SPIRE2: variants seen among roughly 807,000 people sequenced by gnomAD.
The protein encoded by SPIRE2 is protein spire homolog 2.
A neutral mutation model predicts 80.7 loss-of-function variants in SPIRE2; 76 were observed. The observed-to-expected ratio is 0.94, with a 90% CI of 0.78 to 1.14. The LOEUF (loss-of-function observed/expected upper bound fraction) is 1.14. Ranked by LOEUF, SPIRE2 falls within the 50% of genes most tolerant of loss-of-function variation. SPIRE2 has a pLI of 0.00. For synonymous variants in SPIRE2, 535 were observed against 432.6 expected (o/e 1.24, Z -2.94); for missense variants, 1,196 against 1,015.3 (o/e 1.18, Z -2.42).
intron 1 of SPIRE2, among the ~76,000 whole-genome samples, chr16:89,840,455 T>C (rs1005346549): frequency 6.6e-5 from 10 of 150,940 alleles, no homozygotes; most frequent in African/African-American, 2.0e-4. Context: ...TTCACCGTGT[T>C]AGCCAGGATG....
chr16:89,840,617 A>C (rs921499820), intron 1 of SPIRE2, among the ~76,000 whole-genome samples: 1 of 146,488 alleles, frequency 6.8e-6, no homozygotes, highest in Non-Finnish European at 1.5e-5. Flanking sequence ...TGGTTTGCAT[A>C]AAAATAAAAA....
In SPIRE2 at chr16:89,863,871, C is replaced by T; in HGVS notation, c.1778+10C>T. 6.2e-7 allele frequency: 1 copy of T among 1,610,520 alleles called. No individual in the cohort carries two copies. The highest frequency in any genetic ancestry group is 8.5e-7 in the Non-Finnish European group (1 of 1,177,674). On this transcript the variant is annotated intron_variant, in intron 12 of 14. Coordinates refer to ENST00000378247, the MANE Select transcript of SPIRE2 (RefSeq NM_032451.2). The surrounding 1 kb of genome is among the most constrained non-coding windows in gnomAD (Gnocchi z 4.3). ...GTCTCTTCTGCAAGAGGTGAGCCTTCCCTTTAGCTGTCAGTTCACAAGGGA... is the reference window on the plus strand; with the variant it reads ...GTCTCTTCTGCAAGAGGTGAGCCTTTCCTTTAGCTGTCAGTTCACAAGGGA...
intron 1 of SPIRE2, among the ~76,000 whole-genome samples, chr16:89,837,579 C>T (rs932575953): frequency 3.9e-5 from 6 of 152,210 alleles, no homozygotes; most frequent in Admixed American, 6.5e-5. Context: ...AGACTTGACA[C>T]ACGCCAGGCA....
intron 3 of SPIRE2, among the ~76,000 whole-genome samples, chr16:89,853,551 C>T (rs1214898241): frequency 6.6e-6 from 1 of 152,168 alleles, no homozygotes; most frequent in Non-Finnish European, 1.5e-5. Flanking sequence ...CAGACACACA[C>T]CTCACGCTGC....
At chr16:89,836,740 G>T (rs1292698048) in intron 1 of SPIRE2, among the ~76,000 whole-genome samples, 1 of 151,704 alleles carries the variant, frequency 6.6e-6, no homozygotes, top group East Asian at 1.9e-4. Flanking sequence ...AGCACTTTGG[G>T]AGGCCAAGGC....
intron 1 of SPIRE2, among the ~76,000 whole-genome samples, chr16:89,829,424 C>T (rs575402718): frequency 9.9e-5 from 15 of 152,282 alleles, no homozygotes; most frequent in African/African-American, 3.4e-4. Flanking sequence ...TTACCCTTTA[C>T]GAAAAAAACC....
Position 89,856,225 on chromosome 16 carries a change from G to A in SPIRE2, c.1091G>A (p.Trp364Ter). 2 of 1,579,028 alleles carry A rather than the reference G, an allele frequency of 1.3e-6. No individual in the cohort carries two copies. Among genetic ancestry groups the A allele is most frequent in the South Asian group, 1.1e-5 (1 of 87,008 alleles). ...RRLRPVRGEG[W>*]AARGFGSLPC... ...CTGCGCCCGGTGCGGGGCGAGGGCT[G>A]GGCTGCCCGCGGTGAGTGAGGGGAT... is the stretch of plus-strand genomic sequence containing the variant. Residue 364 changes from tryptophan (W) to a stop codon, truncating the protein, a stop_gained, in exon 7 of 15, where the codon TGG becomes TAG. Transcript: ENST00000378247. LOFTEE classifies it high-confidence loss of function.
Position 89,861,387 on chromosome 16 carries a change from G to A in SPIRE2, c.1575+592G>A, listed in dbSNP as rs146359345. 2.9e-3 allele frequency among the ~76,000 whole-genome samples: 444 copies of A among 152,294 alleles called. 3 individuals carry two copies. The highest frequency in any genetic ancestry group is 0.01 in the African/African-American group (426 of 41,566). ...GTCACTATTTGAGGTTTTATCCAGC[G>A]GCTCAGATGAGAACAGATGTTAAAA... On this transcript the variant is annotated intron_variant, in intron 10 of 14. Transcript: ENST00000378247.
intron 1 of SPIRE2, among the ~76,000 whole-genome samples, chr16:89,836,960 A>C (rs916258521): frequency 1.1e-4 from 17 of 151,950 alleles, no homozygotes; most frequent in African/African-American, 3.9e-4. Flanking sequence ...GCGCCATTGC[A>C]CTCCAGCCTA....
At chr16:89,836,872 G>C (rs528967326) in intron 1 of SPIRE2, among the ~76,000 whole-genome samples, 4 of 152,102 alleles carry the variant, frequency 2.6e-5, no homozygotes, top group African/African-American at 9.6e-5. Context: ...GTACATGCCT[G>C]TAATCCCAGC....
chr16:89,828,586 G>A lies in SPIRE2; in HGVS notation c.36G>A (p.Ala12=), dbSNP rs367937707. The A allele has an allele frequency of 0.015, 17,379 of 1,183,172 alleles. 233 individuals are homozygous for A. The highest frequency in any genetic ancestry group is 0.055 in the East Asian group (1,305 of 23,694). The allele number at this position is 1,183,172 out of a possible 1,614,324, so 73.3% of individuals were successfully genotyped here. A position where few individuals can be genotyped will look rare whatever the true frequency, so the allele number is the denominator to read the frequency against. The change falls in exon 1 of 15, where the codon GCG becomes GCA. Residue 12 remains alanine (A), a synonymous_variant. Coordinates refer to ENST00000378247, the MANE Select transcript of SPIRE2 (RefSeq NM_032451.2). The surrounding 1 kb of genome is among the most constrained non-coding windows in gnomAD (Gnocchi z 5.9). ...CGGGCAGCTGCGGCGGCGCCGCGGC[G>A]GGCGCAGGGCGGCCGGAGCCCTGGG... ...ARAGSCGGAA[A]GAGRPEPWEL...
At chr16:89,848,200 C>T (rs1263645233) in intron 2 of SPIRE2, among the ~76,000 whole-genome samples, 2 of 152,230 alleles carry the variant, frequency 1.3e-5, no homozygotes, top group African/African-American at 4.8e-5. Flanking sequence ...CCTCAGATTC[C>T]TCTCTGGAGG....
In SPIRE2 at chr16:89,859,265, A is replaced by C. The variant is rs147389472; in HGVS notation, c.1373A>C (p.Gln458Pro). Residue 458 changes from glutamine (Q) to proline (P), a missense_variant, in exon 9 of 15, where the codon CAG (glutamine) becomes CCG (proline). Transcript: ENST00000378247. ...CGAAGTGAGGTGGCCTCTGGCCTGC[A>C]GTCGGCCACCCACCCCCCAGGAGGG... ...QLRSEVASGLQSATHPPGGTE... is the reference protein window; with the variant it reads ...QLRSEVASGLPSATHPPGGTE... The C allele has an allele frequency of 1.2e-6, 2 of 1,607,676 alleles. No individual in the cohort carries two copies. The highest frequency in any genetic ancestry group is 1.7e-6 in the Non-Finnish European group (2 of 1,178,764).
chr16:89,861,250 T>C (rs1461007607), intron 10 of SPIRE2, among the ~76,000 whole-genome samples: 1 of 152,188 alleles, frequency 6.6e-6, no homozygotes, highest in Non-Finnish European at 1.5e-5. Flanking sequence ...GAGGCCCACG[T>C]GGACCTGAGT....
chr16:89,840,079 G>C (rs1476727675), intron 1 of SPIRE2, among the ~76,000 whole-genome samples: 1 of 152,026 alleles, frequency 6.6e-6, no homozygotes, highest in African/African-American at 2.4e-5. Context: ...ACCCCTTGTC[G>C]GGCTAGGCTG....
Position 89,870,812 on chromosome 16 carries a change from G to A in SPIRE2, c.*540G>A, listed in dbSNP as rs1038774811. 9 of 157,528 alleles carry A rather than the reference G, an allele frequency of 5.7e-5. No homozygotes were observed. The highest frequency in any genetic ancestry group is 3.0e-4 in the Admixed American group (5 of 16,900). 9.8% of individuals were successfully genotyped at this position (157,528 alleles called of 1,614,324 possible). On this transcript the variant is annotated 3_prime_UTR_variant, in exon 15 of 15. Transcript: ENST00000378247. Reference sequence around the variant, plus strand: ...ACCTGTTTGAAAGGTCTGGCCAGGCGTGGTGGTTCAGGCCTGTAATTCCAG... The same window carrying A: ...ACCTGTTTGAAAGGTCTGGCCAGGCATGGTGGTTCAGGCCTGTAATTCCAG...
chr16:89,856,350 C>A, intron 7 of SPIRE2, 114 bp downstream of exon 7: 1 of 1,132,452 alleles, frequency 8.8e-7, no homozygotes. Context: ...CGCCTGAACC[C>A]ATGGAAGACA....
chr16:89,860,880 T>C (rs965927361), intron 10 of SPIRE2, 85 bp downstream of exon 10: 1 of 860,784 alleles, frequency 1.2e-6, no homozygotes, highest in Admixed American at 3.2e-5. Flanking sequence ...GTCTGGGAGA[T>C]GGGTCTGAGC....
chr16:89,866,201 A>G (rs2143829511), intron 12 of SPIRE2, among the ~76,000 whole-genome samples: 1 of 152,188 alleles, frequency 6.6e-6, no homozygotes, highest in East Asian at 1.9e-4. Flanking sequence ...TTCTGTTGAT[A>G]TATGCTTGGA....
Sources: allele counts gnomAD v4.1 joint callset (sites outside exome capture counted in the v4.1 genomes callset), GRCh38; gene constraint gnomAD v4.1.1; non-coding constraint Gnocchi (gnomAD v3.1); transcripts MANE v1.5; gene names NCBI Gene and HGNC (gene_info 2026-07-23, HGNC 2026-07-21).